The following C11orf21 variants were observed in gnomAD, a reference collection of about 807,000 sequenced individuals.
C11orf21 encodes the protein uncharacterized protein C11orf21.
A neutral mutation model predicts 15.2 loss-of-function variants in C11orf21; 19 were observed. The ratio of observed to expected loss-of-function variants is 1.25; its 90% CI spans 0.87 to 1.84. The LOEUF is 1.84. Ranked by LOEUF, C11orf21 falls within the 40% of genes most tolerant of loss-of-function variation. C11orf21 has a pLI of 0.00. For missense variants in C11orf21, 171 were observed against 174.4 expected (o/e 0.98, Z 0.11); for synonymous variants, 62 against 66.8 (o/e 0.93, Z 0.35).
rs567231656 is a variant in C11orf21, at chr11:2,296,026, G to A, written c.*1924C>T. The A allele has an allele frequency of 6.6e-6, 1 of 152,280 alleles. No homozygotes were observed. The highest frequency in any genetic ancestry group is 1.5e-5 in the Non-Finnish European group (1 of 68,040). 9.4% of individuals were successfully genotyped at this position (152,280 alleles called of 1,614,324 possible). A position where few individuals can be genotyped will look rare whatever the true frequency, so the allele number is the denominator to read the frequency against. ...AACAGCAGTTGCAATTGGAGTCCTG[G>A]TTAAGTTTACCAGGATTCACTGTCC... On this transcript the variant is annotated 3_prime_UTR_variant, in exon 4 of 4. Transcript: ENST00000381153. The surrounding 1 kb of genome is among the most constrained non-coding windows in gnomAD (Gnocchi z 5.6).
At chr11:2,302,188 G>C (rs142403358), upstream of C11orf21, 3 of 1,412,510 alleles carry the variant, frequency 2.1e-6, no homozygotes, top group Non-Finnish European at 2.8e-6. Flanking sequence ...CCAAATGCCA[G>C]ATGCTGGTCA....
rs267602828 is a variant in C11orf21 at position 2,299,659 on chromosome 11, G to A, written c.196C>T (p.His66Tyr). 1 of 1,551,184 alleles carries A rather than the reference G, an allele frequency of 6.4e-7. No homozygotes were observed. The highest frequency in any genetic ancestry group is 1.2e-5 in the South Asian group (1 of 84,062). ...MPPAAAQPSA[H>Y]GALVPPATAH... ...GTGGCAGGTGGAACAAGGGCACCAT[G>A]GGCGGAGGGTTGGGCAGCTGCAGGT... Residue 66 changes from histidine (H) to tyrosine (Y), a missense_variant, in exon 3 of 4, where the codon CAT becomes TAT. Transcript: ENST00000381153.
upstream of C11orf21, chr11:2,302,819 C>T (rs371069695): frequency 6.2e-6 from 10 of 1,601,418 alleles, no homozygotes; most frequent in East Asian, 2.2e-5. Flanking sequence ...CCATGCCCCA[C>T]ACTCTGAGTC....
upstream of C11orf21, chr11:2,302,821 C>A: frequency 1.2e-6 from 2 of 1,603,724 alleles, no homozygotes; most frequent in Non-Finnish European, 1.7e-6. Flanking sequence ...ATGCCCCACA[C>A]TCTGAGTCTG....
chr11:2,299,812 A>T, intron 2 of C11orf21, 105 bp from the exon 3 acceptor site: 1 of 1,359,228 alleles, frequency 7.4e-7, no homozygotes, highest in Non-Finnish European at 1.0e-6. Flanking sequence ...ACACATATGC[A>T]TGCACACACA....
intron 3 of C11orf21, among the ~76,000 whole-genome samples, chr11:2,298,863 C>T (rs1432198694): frequency 6.6e-6 from 1 of 151,954 alleles, no homozygotes; most frequent in African/African-American, 2.4e-5. Context: ...TCCCCTCTGC[C>T]CTCACTGAGG....
intron 1 of C11orf21, chr11:2,301,313 C>T (rs780940447): frequency 9.8e-5 from 19 of 193,972 alleles, no homozygotes; most frequent in African/African-American, 2.6e-4. Flanking sequence ...TGGGAGGGCC[C>T]GGAGTGGTCC....
At chr11:2,302,139 G>GAGGAT, upstream of C11orf21, 1 of 1,470,778 alleles carries the variant, frequency 6.8e-7, no homozygotes, top group Non-Finnish European at 9.0e-7. Context: ...GAGGAGAGGA[G>GAGGAT]AGGAACCGTC....
chr11:2,301,547 T>C, intron 1 of C11orf21: 1 of 506,668 alleles, frequency 2.0e-6, no homozygotes, highest in Non-Finnish European at 3.5e-6. Flanking sequence ...CCAAGAAGGC[T>C]CTGCGACAAA....
intron 3 of C11orf21, among the ~76,000 whole-genome samples, chr11:2,298,519 A>G (rs1036697881): frequency 6.6e-6 from 1 of 152,016 alleles, no homozygotes; most frequent in East Asian, 1.9e-4. Flanking sequence ...TCCGATGTGC[A>G]TTTTTCTGCC....
In C11orf21 at chr11:2,296,072, T is replaced by G. The variant is rs868630315; in HGVS notation, c.*1878A>C. The G allele has an allele frequency of 1.3e-5, 2 of 152,250 alleles. No individual in the cohort carries two copies. The highest frequency in any genetic ancestry group is 4.1e-4 in the South Asian group (2 of 4,824). The allele number at this position is 152,250 out of a possible 1,614,324, so 9.4% of individuals were successfully genotyped here. On this transcript the variant is annotated 3_prime_UTR_variant, in exon 4 of 4. Coordinates refer to ENST00000381153, the MANE Select transcript of C11orf21 (RefSeq NM_001329958.2). This position sits in a 1 kb window ranked among gnomAD's most constrained non-coding sequence, Gnocchi z 5.6. ...TGTCCTTCTTTCTCCGGGACCCCCC[T>G]GTCTTCCACACAAGCCAATTAGACG...
intron 1 of C11orf21, 47 bp downstream of exon 1, chr11:2,301,709 C>G: frequency 1.4e-6 from 2 of 1,479,744 alleles, no homozygotes; most frequent in Non-Finnish European, 1.8e-6. Flanking sequence ...GGATTACGCC[C>G]CCAAGGCCCA....
At chr11:2,301,410 G>A (rs1356938043) in intron 1 of C11orf21, 3 of 227,384 alleles carry the variant, frequency 1.3e-5, no homozygotes, top group South Asian at 7.4e-5. Context: ...CTGTACTGGG[G>A]CCGCAGCGCT....
upstream of C11orf21, chr11:2,301,941 G>C: frequency 6.6e-7 from 1 of 1,509,920 alleles, no homozygotes; most frequent in South Asian, 1.2e-5. Flanking sequence ...GTGAGGTGGT[G>C]GGGGGAGCCA....
Position 2,299,791 on chromosome 11 carries a change from C to G in C11orf21, c.148-84G>C. 2.0e-6 allele frequency: 3 copies of G among 1,518,742 alleles called. No homozygotes were observed. In the South Asian group the frequency reaches 3.7e-5, roughly 19 times the overall value. The allele number at this position is 1,518,742 out of a possible 1,614,324, so 94.1% of individuals were successfully genotyped here. On this transcript the variant is annotated intron_variant, in intron 2 of 3. Transcript: ENST00000381153. Reference sequence around the variant, plus strand: ...GAAGGAGAGAGGAAAAAGGAAGTCCCTGGCGGGTAAACACATATGCATGCA... The same window carrying G: ...GAAGGAGAGAGGAAAAAGGAAGTCCGTGGCGGGTAAACACATATGCATGCA...
At chr11:2,301,181 C>T in intron 1 of C11orf21, 1 of 264,094 alleles carries the variant, frequency 3.8e-6, no homozygotes, top group Non-Finnish European at 7.4e-6. Context: ...CTTCCCACAG[C>T]CACGCTGGGG....
upstream of C11orf21, chr11:2,302,591 G>A (rs1847820009): frequency 3.5e-6 from 2 of 566,418 alleles, no homozygotes; most frequent in Admixed American, 3.2e-5. Context: ...ATGATCAGAG[G>A]TCCTGGGTGT....
At chr11:2,302,250 TG>T, upstream of C11orf21, 1 of 944,630 alleles carries the variant, frequency 1.1e-6, no homozygotes, top group Non-Finnish European at 1.4e-6. Flanking sequence ...GGGTGGTGGG[TG>T]GGGGTGAGCA....
At chr11:2,300,294 GGATGTGTGGGGTGGGCAGC>G (rs1487144789) in intron 2 of C11orf21, among the ~76,000 whole-genome samples, 7 of 113,800 alleles carry the variant, frequency 6.2e-5, no homozygotes, top group Non-Finnish European at 9.1e-5. Context: ...GGGTGGGCAG[GGATGTGTGGGGTGGGCAGC>G]GGTGTGCGGG....
Sources: gnomAD v4.1 joint callset for allele counts (sites outside exome capture counted in the v4.1 genomes callset) on GRCh38, gnomAD v4.1.1 for gene constraint, Gnocchi (gnomAD v3.1) non-coding constraint, MANE v1.5 for transcripts, NCBI Gene and HGNC (gene_info 2026-07-23, HGNC 2026-07-21) for gene names.